TET3: variants seen among roughly 807,000 people sequenced by gnomAD.
TET3 encodes the protein methylcytosine dioxygenase TET3.
TET3 carries 19 observed loss-of-function variants against 141.4 expected under a neutral mutation model. The observed-to-expected ratio is 0.13, with a 90% confidence interval of 0.09 to 0.20. The LOEUF (loss-of-function observed/expected upper bound fraction) is 0.20. Among genes scored for constraint, TET3 ranks in the 10% least tolerant of loss-of-function variants. The pLI is 1.00. For synonymous variants in TET3, 1,043 were observed against 980.9 expected, an observed-to-expected ratio of 1.06 and a Z score of -1.18; for missense variants, 1,874 against 2,356.9, an observed-to-expected ratio of 0.80 and a Z score of 4.24.
intron 3 of TET3, among the ~76,000 whole-genome samples, chr2:74,028,879 C>T (rs762604530): frequency 3.9e-5 from 6 of 152,198 alleles, no homozygotes; most frequent in Non-Finnish European, 8.8e-5. Flanking sequence ...TTTGTATTTA[C>T]CTTGTCACAG....
chr2:74,018,257 G>A (rs113761681), intron 3 of TET3, among the ~76,000 whole-genome samples: 3,552 of 152,132 alleles, frequency 0.023, 126 homozygotes, highest in African/African-American at 0.081. Flanking sequence ...GTGAGCCACC[G>A]TGCCTGGCCT....
intron 4 of TET3, among the ~76,000 whole-genome samples, chr2:74,051,703 A>C (rs1687952172): frequency 2.0e-5 from 3 of 152,214 alleles, no homozygotes; most frequent in Admixed American, 1.3e-4. Context: ...CTTAATCCTC[A>C]TAGCAGCTCT....
the TET3 span, among the ~76,000 whole-genome samples, chr2:74,119,878 C>T: frequency 2.6e-5 from 4 of 152,148 alleles, no homozygotes; most frequent in African/African-American, 9.7e-5. Context: ...GTAATATGAA[C>T]CCATGGATTC....
chr2:74,100,960 G>A lies in TET3; in HGVS notation c.4172G>A (p.Cys1391Tyr). 2 of 1,611,580 alleles carry A rather than the reference G, an allele frequency of 1.2e-6. No individual in the cohort carries two copies. Among genetic ancestry groups the A allele is most frequent in the Non-Finnish European group, 1.7e-6 (2 of 1,178,970 alleles). ...DPSPFAQSSN[C>Y]YNRSIKQEPV... Reference sequence around the variant, plus strand: ...TCCCCCTTTGCCCAGAGCTCCAACTGCTACAACAGATCCATCAAGCAAGAG... The same window carrying A: ...TCCCCCTTTGCCCAGAGCTCCAACTACTACAACAGATCCATCAAGCAAGAG... The change falls in exon 12 of 12, where the codon TGC becomes TAC. Residue 1391 changes from cysteine (C) to tyrosine (Y), a missense_variant. By Grantham distance (194) the Cys-to-Tyr change is radical. This residue lies in a region of TET3 where 602 missense variants were observed against 590.2 expected (regional missense o/e 1.02). Coordinates refer to ENST00000409262, the MANE Select transcript of TET3 (RefSeq NM_001287491.2).
At chr2:74,007,102 G>C (rs1685191574) in intron 3 of TET3, among the ~76,000 whole-genome samples, 1 of 152,154 alleles carries the variant, frequency 6.6e-6, no homozygotes. Context: ...AAAACCATTG[G>C]AAGTAAGAGA....
In TET3 at chr2:74,094,539, TAG is replaced by T. The variant is rs1573908332; in HGVS notation, c.3267+877_3267+878del. On this transcript the variant is annotated intron_variant, in intron 10 of 11. Transcript: ENST00000409262. ...TTAGACGCACTCCTGCTGCTGCAGT[TAG>T]AGAATGAGGTGTGTGATGGTGGGGG... Among the ~76,000 whole-genome samples the T allele has an allele frequency of 2.6e-5, 4 of 152,070 alleles. No individual in the cohort carries two copies. The East Asian group carries it at 7.7e-4, about 29-fold the overall frequency.
chr2:73,992,719 A>G (rs1684398728), intron 2 of TET3, among the ~76,000 whole-genome samples: 1 of 152,186 alleles, frequency 6.6e-6, no homozygotes, highest in Non-Finnish European at 1.5e-5. Context: ...AAAGAGGGCC[A>G]AAAAACCAGA....
chr2:74,060,950 A>G (rs1352819599), intron 4 of TET3, among the ~76,000 whole-genome samples: 2 of 152,122 alleles, frequency 1.3e-5, no homozygotes, highest in Admixed American at 6.5e-5. Context: ...CGATTTCTCA[A>G]TCTTTTCCCC....
At chr2:74,003,982 C>T (rs955477318) in intron 3 of TET3, among the ~76,000 whole-genome samples, 1 of 152,108 alleles carries the variant, frequency 6.6e-6, no homozygotes, top group Admixed American at 6.5e-5. Flanking sequence ...TTGAGCTTGT[C>T]CCCCTTTTCA....
Position 73,994,793 on chromosome 2 carries a change from G to A in TET3, c.303+8087G>A, listed in dbSNP as rs146447429. ...GCTGAGATTACAGGCACGTGTCACC[G>A]TGCCTGGCTTATTTTGTATTTTTAG... On this transcript the variant is annotated intron_variant, in intron 2 of 11. Coordinates refer to ENST00000409262, the MANE Select transcript of TET3 (RefSeq NM_001287491.2). Among the ~76,000 whole-genome samples, 370 of 151,438 alleles carry A rather than the reference G, an allele frequency of 2.4e-3. 3 individuals are homozygous for A. The highest frequency in any genetic ancestry group is 8.0e-3 in the African/African-American group (331 of 41,268).
At chr2:74,062,093 G>A (rs1463159298) in intron 4 of TET3, among the ~76,000 whole-genome samples, 3 of 152,188 alleles carry the variant, frequency 2.0e-5, no homozygotes, top group Admixed American at 6.5e-5. Flanking sequence ...AGGTTGTAGC[G>A]AGCCGAGAGC....
intron 3 of TET3, among the ~76,000 whole-genome samples, chr2:74,023,879 GA>G (rs1686201131): frequency 6.9e-6 from 1 of 145,456 alleles, no homozygotes; most frequent in African/African-American, 2.8e-5. Flanking sequence ...GTTTTCAGGA[GA>G]GTCATCTCTT....
rs1030300182 is a variant in TET3 at position 74,107,369 on chromosome 2, A to T, written c.*5193A>T. 18 of 152,202 alleles carry T rather than the reference A, an allele frequency of 1.2e-4. No homozygotes were observed. Among genetic ancestry groups the T allele is most frequent in the Admixed American group, 1.2e-3 (18 of 15,282 alleles). The allele number at this position is 152,202 out of a possible 1,614,324, so 9.4% of individuals were successfully genotyped here. A position where few individuals can be genotyped will look rare whatever the true frequency, so the allele number is the denominator to read the frequency against. ...TACTTCCTCATTGGCTTCTATTCTG[A>T]TATCAGGGATGCTTTTTGTAGTGGT... On this transcript the variant is annotated 3_prime_UTR_variant, in exon 12 of 12. Transcript: ENST00000409262.
chr2:74,093,582 G>A lies in TET3; in HGVS notation c.3183G>A (p.Arg1061=), dbSNP rs543353312. The A allele has an allele frequency of 6.2e-7, 1 of 1,613,562 alleles. No individual in the cohort carries two copies. Among genetic ancestry groups the A allele is most frequent in the South Asian group, 1.1e-5 (1 of 91,050 alleles). ...IDCRLGLKEG[R]PFAGVTACMD... is the part of the protein sequence containing the mutation. ...GCCGTCTGGGGCTGAAGGAAGGACG[G>A]CCCTTCGCGGGGGTCACGGCCTGCA... Residue 1061 remains arginine (R), a synonymous_variant, in exon 10 of 12, where the codon CGG becomes CGA. Transcript: ENST00000409262. The surrounding 1 kb of genome is among the most constrained non-coding windows in gnomAD (Gnocchi z 4.2).
chr2:74,045,119 A>G (rs1687547450), intron 3 of TET3, among the ~76,000 whole-genome samples: 1 of 152,194 alleles, frequency 6.6e-6, no homozygotes, highest in South Asian at 2.1e-4. Flanking sequence ...CAGGTTATAC[A>G]TTTTGGCAGG....
At chr2:74,035,389 G>C (rs1198923799) in intron 3 of TET3, among the ~76,000 whole-genome samples, 2 of 134,852 alleles carry the variant, frequency 1.5e-5, no homozygotes, top group African/African-American at 5.7e-5. Context: ...GCGTGAACCT[G>C]GGAGGCGGAG....
chr2:73,993,050 T>TCA (rs1463309542), intron 2 of TET3, among the ~76,000 whole-genome samples: 1 of 152,162 alleles, frequency 6.6e-6, no homozygotes, highest in Non-Finnish European at 1.5e-5. Flanking sequence ...GCCATGTAGA[T>TCA]CAGGGGTTCC....
Position 74,027,459 on chromosome 2 carries a change from C to T in TET3, c.361-18819C>T, listed in dbSNP as rs531527502. On this transcript the variant is annotated intron_variant, in intron 3 of 11. Transcript: ENST00000409262. ...AGGATTGTGCAACCAACACCACTCT[C>T]TTAGTTCACAAAATTTTTATCCATC... Among the ~76,000 whole-genome samples, 8 of 151,928 alleles carry T rather than the reference C, an allele frequency of 5.3e-5. No homozygotes were observed. The East Asian group carries it at 1.5e-3, about 29-fold the overall frequency.
At chr2:74,135,481 A>G in the TET3 span, 2 of 1,478,590 alleles carry the variant, frequency 1.4e-6, no homozygotes, top group Non-Finnish European at 1.9e-6. Context: ...TATAATATGG[A>G]AATGTATATG....
Sources: allele counts gnomAD v4.1 joint callset (sites outside exome capture counted in the v4.1 genomes callset), GRCh38; gene constraint gnomAD v4.1.1; regional missense constraint gnomAD v4.1.1; non-coding constraint Gnocchi (gnomAD v3.1); transcripts MANE v1.5; gene names NCBI Gene and HGNC (gene_info 2026-07-23, HGNC 2026-07-21).